UTS2B: variants seen among roughly 807,000 people sequenced by gnomAD.
UTS2B encodes urotensin 2B.
Under a neutral mutation model 19.2 loss-of-function variants are expected in UTS2B, and 21 were observed. The observed-to-expected ratio is 1.09, with a 90% CI of 0.78 to 1.58. The LOEUF (loss-of-function observed/expected upper bound fraction) is 1.58, where lower values mean the gene tolerates loss of function less well. Ranked by LOEUF, UTS2B falls within the 40% of genes most tolerant of loss-of-function variation. The pLI is 0.00. For synonymous variants in UTS2B, 57 were observed against 50.2 expected, an observed-to-expected ratio of 1.14 and a Z score of -0.58; for missense variants, 138 against 130.3, an observed-to-expected ratio of 1.06 and a Z score of -0.29.
upstream of UTS2B, among the ~76,000 whole-genome samples, chr3:191,332,931 A>G (rs1342401777): frequency 6.6e-6 from 1 of 152,204 alleles, no homozygotes; most frequent in Non-Finnish European, 1.5e-5. Context: ...CAATTTCTTA[A>G]GCATTAGAGC....
chr3:191,301,395 G>T (rs1367885829), intron 4 of UTS2B, among the ~76,000 whole-genome samples: 1 of 151,846 alleles, frequency 6.6e-6, no homozygotes, highest in Non-Finnish European at 1.5e-5. Flanking sequence ...GAACTGTGAA[G>T]ATTCTTCAAT....
At chr3:191,338,055 A>G in the UTS2B span, among the ~76,000 whole-genome samples, 1 of 152,014 alleles carries the variant, frequency 6.6e-6, no homozygotes, top group Non-Finnish European at 1.5e-5. Flanking sequence ...TTGTTTTTCC[A>G]ATGAGTCATA....
chr3:191,291,275 C>T (rs986067099), intron 4 of UTS2B, among the ~76,000 whole-genome samples: 2 of 152,056 alleles, frequency 1.3e-5, no homozygotes, highest in Admixed American at 1.3e-4. Flanking sequence ...CTTTCTTGAT[C>T]ATGTCTTTTG....
chr3:191,339,186 G>C, the UTS2B span, among the ~76,000 whole-genome samples: 1 of 152,152 alleles, frequency 6.6e-6, no homozygotes, highest in African/African-American at 2.4e-5. Flanking sequence ...AGAGGAGAGA[G>C]CATGAGCAAA....
chr3:191,282,171 T>C lies in UTS2B; in HGVS notation c.19A>G (p.Ser7Gly). 2.5e-6 allele frequency: 4 copies of C among 1,612,678 alleles called. No homozygotes were observed. Among genetic ancestry groups the C allele is most frequent in the East Asian group, 2.2e-5 (1 of 44,808 alleles). The change falls in exon 5 of 9, where the codon AGC becomes GGC. Residue 7 changes from serine to glycine, a missense_variant. By Grantham distance (56) the Ser-to-Gly change is moderately conservative (BLOSUM62 0). Transcript: ENST00000340524. The part of the protein sequence containing the change: MNKILS[S>G]TVCFGLLTLL... ...GTTAGGAGTCCAAAGCAAACAGTGCTTGAGAGGATCTTGTTCATGTTAAAA... is the reference window on the plus strand; with the variant it reads ...GTTAGGAGTCCAAAGCAAACAGTGCCTGAGAGGATCTTGTTCATGTTAAAA...
chr3:191,293,918 G>C (rs972732209), intron 4 of UTS2B, among the ~76,000 whole-genome samples: 4 of 151,730 alleles, frequency 2.6e-5, no homozygotes, highest in African/African-American at 9.7e-5. Flanking sequence ...AGACCAGCCT[G>C]ACCAACATGG....
chr3:191,301,710 C>T (rs1717007807), intron 4 of UTS2B, among the ~76,000 whole-genome samples: 2 of 151,598 alleles, frequency 1.3e-5, no homozygotes, highest in Non-Finnish European at 2.9e-5. Context: ...AGGATGGTCT[C>T]GATCTCCTGA....
chr3:191,271,672 A>T (rs1716098833), intron 8 of UTS2B, among the ~76,000 whole-genome samples: 1 of 152,122 alleles, frequency 6.6e-6, no homozygotes. Flanking sequence ...CCTTGGAATG[A>T]TCTGAGTCTC....
At chr3:191,331,757 T>G (rs1158158983), upstream of UTS2B, among the ~76,000 whole-genome samples, 2 of 152,192 alleles carry the variant, frequency 1.3e-5, no homozygotes, top group African/African-American at 4.8e-5. Flanking sequence ...TTCCCTAATA[T>G]AACTCTTAAT....
rs144850058 is a variant in UTS2B, at chr3:191,283,973, CAT to C, written c.-124-1662_-124-1661del. On this transcript the variant is annotated intron_variant, in intron 4 of 8. Coordinates refer to ENST00000340524, the MANE Select transcript of UTS2B (RefSeq NM_198152.5). ...AAGATGGAAAATAGGAAATTAATGT[CAT>C]GTGATGTAGAGAGAATATATAAATA... is the stretch of plus-strand genomic sequence containing the variant. Among the ~76,000 whole-genome samples, 848 of 152,010 alleles carry C rather than the reference CAT, an allele frequency of 5.6e-3. 4 individuals carry two copies. The highest frequency in any genetic ancestry group is 0.019 in the African/African-American group (788 of 41,452).
intron 6 of UTS2B, chr3:191,277,525 G>A (rs954529922): frequency 6.6e-5 from 10 of 151,980 alleles, no homozygotes; most frequent in African/African-American, 2.4e-4. Context: ...TCATTTCTTG[G>A]AGGACAATCT....
chr3:191,292,361 T>A (rs1335567727), intron 4 of UTS2B, among the ~76,000 whole-genome samples: 1 of 152,210 alleles, frequency 6.6e-6, no homozygotes, highest in Admixed American at 6.5e-5. Flanking sequence ...TTTTTGATGC[T>A]ATTTCAAGTG....
intron 1 of UTS2B, among the ~76,000 whole-genome samples, 157 bp downstream of exon 1, chr3:191,330,257 G>A (rs951837650): frequency 1.1e-4 from 17 of 151,746 alleles, no homozygotes; most frequent in African/African-American, 4.1e-4. Context: ...TGTGTTCTGC[G>A]CGGGCGGGAA....
chr3:191,283,810 C>A (rs1455734251), intron 4 of UTS2B, among the ~76,000 whole-genome samples: 1 of 152,126 alleles, frequency 6.6e-6, no homozygotes, highest in East Asian at 1.9e-4. Context: ...CAATGATGAA[C>A]CTAGATCCTA....
chr3:191,273,385 C>A, intron 8 of UTS2B: 1 of 435,126 alleles, frequency 2.3e-6, no homozygotes, highest in Non-Finnish European at 4.6e-6. Flanking sequence ...CATTTACCAA[C>A]CTGCCTTGCC....
At chr3:191,308,329 C>T (rs1576929835) in intron 3 of UTS2B, among the ~76,000 whole-genome samples, 1 of 152,194 alleles carries the variant, frequency 6.6e-6, no homozygotes, top group African/African-American at 2.4e-5. Context: ...GGATCTACTA[C>T]AGAACCTTCT....
chr3:191,308,397 T>A, intron 3 of UTS2B, among the ~76,000 whole-genome samples: 1 of 152,306 alleles, frequency 6.6e-6, no homozygotes, highest in East Asian at 1.9e-4. Context: ...TTAGTCAAAG[T>A]AGTATTACCA....
intron 7 of UTS2B, 79 bp downstream of exon 7, chr3:191,276,728 T>A: frequency 1.6e-6 from 2 of 1,240,668 alleles, no homozygotes; most frequent in Non-Finnish European, 2.3e-6. Flanking sequence ...AATAATTTAT[T>A]TTAAAAAACA....
the UTS2B span, among the ~76,000 whole-genome samples, chr3:191,338,654 C>T: frequency 6.6e-6 from 1 of 152,220 alleles, no homozygotes; most frequent in African/African-American, 2.4e-5. Flanking sequence ...GGTGGATCCA[C>T]AAATCATTCC....
Sources: gnomAD v4.1 joint callset for allele counts (sites outside exome capture counted in the v4.1 genomes callset) on GRCh38, gnomAD v4.1.1 for gene constraint, MANE v1.5 for transcripts, NCBI Gene and HGNC (gene_info 2026-07-23, HGNC 2026-07-21) for gene names.